Variants in CCDC150 observed in about 807,000 individuals in gnomAD.
The protein encoded by CCDC150 is coiled-coil domain-containing protein 150.
In CCDC150, 151 loss-of-function variants were observed where a neutral mutation model predicts 156.5. The observed-to-expected ratio is 0.97, with a 90% CI of 0.85 to 1.10. CCDC150 has a LOEUF of 1.10. Among genes scored for constraint, CCDC150 ranks in the 50% least tolerant of loss-of-function variants. CCDC150 has a pLI of 0.00. For missense variants in CCDC150, 1,312 were observed against 1,268.1 expected, an observed-to-expected ratio of 1.03 and a Z score of -0.53; for synonymous variants, 452 against 429.4, an observed-to-expected ratio of 1.05 and a Z score of -0.65.
At chr2:196,711,517 A>G (rs1697112250) in intron 15 of CCDC150, among the ~76,000 whole-genome samples, 1 of 152,200 alleles carries the variant, frequency 6.6e-6, no homozygotes, top group Admixed American at 6.5e-5. Context: ...CAAATATGGA[A>G]AAACGTATAA....
At chr2:196,731,476 C>T (rs1021005178) in intron 26 of CCDC150, among the ~76,000 whole-genome samples, 6 of 150,864 alleles carry the variant, frequency 4.0e-5, no homozygotes, top group South Asian at 2.1e-4. Context: ...CTGCAATCTC[C>T]GCCTCCCAGG....
intron 13 of CCDC150, among the ~76,000 whole-genome samples, 198 bp from the exon 14 acceptor site, chr2:196,694,848 T>G (rs917487859): frequency 2.0e-5 from 3 of 152,040 alleles, no homozygotes; most frequent in Non-Finnish European, 4.4e-5. Flanking sequence ...GGTGACAGAG[T>G]GAGACTACGT....
intron 5 of CCDC150, among the ~76,000 whole-genome samples, chr2:196,662,371 GT>G (rs1553551539): frequency 6.6e-6 from 1 of 152,202 alleles, no homozygotes; most frequent in African/African-American, 2.4e-5. Context: ...TTGGAAGACA[GT>G]TTTTCCATGG....
chr2:196,730,992 C>A, intron 26 of CCDC150, 47 bp downstream of exon 26: 1 of 1,446,262 alleles, frequency 6.9e-7, no homozygotes, highest in Non-Finnish European at 9.4e-7. Flanking sequence ...TCCTTCAACA[C>A]AGCAACCCTG....
Position 196,711,466 on chromosome 2 carries a change from C to T in CCDC150, c.1696-679C>T, listed in dbSNP as rs534990254. 5.3e-4 allele frequency among the ~76,000 whole-genome samples: 81 copies of T among 152,024 alleles called. 1 individual carries two copies. The highest frequency in any genetic ancestry group is 1.7e-3 in the Admixed American group (26 of 15,280). On this transcript the variant is annotated intron_variant, in intron 15 of 27. Transcript: ENST00000389175. The stretch of plus-strand genomic sequence containing the variant: ...CCTGATTTAGGGGTAGGTTCGGTAA[C>T]GTTAATTGTTGTGTGTGAATGGTTT...
chr2:196,647,430 A>T (rs939635130), intron 2 of CCDC150, among the ~76,000 whole-genome samples: 1 of 152,126 alleles, frequency 6.6e-6, no homozygotes, highest in African/African-American at 2.4e-5. Flanking sequence ...AACATATTTT[A>T]TCACTTGTTT....
chr2:196,700,068 TAAAAC>T (rs1339138674), intron 14 of CCDC150, among the ~76,000 whole-genome samples: 2 of 152,262 alleles, frequency 1.3e-5, no homozygotes, highest in South Asian at 2.1e-4. Flanking sequence ...AAATTGAACA[TAAAAC>T]AAAAGTCTAA....
intron 13 of CCDC150, among the ~76,000 whole-genome samples, chr2:196,678,880 C>CA (rs1694656973): frequency 6.6e-6 from 1 of 152,202 alleles, no homozygotes; most frequent in Non-Finnish European, 1.5e-5. Context: ...GCCTGGGTGA[C>CA]AGAGTGAGAC....
intron 20 of CCDC150, 38 bp from the exon 21 acceptor site, chr2:196,721,484 C>T (rs1436476499): frequency 1.3e-6 from 2 of 1,531,900 alleles, no homozygotes; most frequent in Admixed American, 2.0e-5. Flanking sequence ...TGCATCTGTC[C>T]ATTACAGTGG....
At position 196,712,724 on chromosome 2, in the gene CCDC150, T is replaced by G. The variant is rs80183667; in HGVS notation, c.1851T>G (p.Asp617Glu). The change falls in exon 17 of 28, where the codon GAT (aspartate) becomes GAG (glutamate). Residue 617 changes from aspartate (D) to glutamate (E), a missense_variant. Transcript: ENST00000389175. ...AGAGGGTACACCTGCAGCAGGCAGA[T>G]GCTCACCTGAAAGAAGTATTGGTAA... Reference protein sequence around the residue: ...SAKRVHLQQADAHLKEVKSIL... With the variant: ...SAKRVHLQQAEAHLKEVKSIL... 4 of 1,610,620 alleles carry G rather than the reference T, an allele frequency of 2.5e-6. No homozygotes were observed. Among genetic ancestry groups the G allele is most frequent in the African/African-American group, 1.3e-5 (1 of 74,898 alleles).
chr2:196,639,729 C>G lies in CCDC150; in HGVS notation c.-38C>G. The G allele has an allele frequency of 6.6e-7, 1 of 1,525,478 alleles. No homozygotes were observed. 94.5% of individuals were successfully genotyped at this position (1,525,478 alleles called of 1,614,324 possible). A position where few individuals can be genotyped will look rare whatever the true frequency, so the allele number is the denominator to read the frequency against. On this transcript the variant is annotated 5_prime_UTR_variant, in exon 1 of 28. Transcript: ENST00000389175. ...AATGCTGTGTTAGTTCCACGGAAACCCGCTCGCCTGCTGCAGTACGGAGCC... is the reference window on the plus strand; with the variant it reads ...AATGCTGTGTTAGTTCCACGGAAACGCGCTCGCCTGCTGCAGTACGGAGCC...
chr2:196,730,091 A>G lies in CCDC150; in HGVS notation c.2955A>G (p.Ile985Met). The change falls in exon 25 of 28, where the codon ATA becomes ATG. Residue 985 changes from isoleucine (I) to methionine (M), a missense_variant. Transcript: ENST00000389175. ...QELHLEAERKIRQELENRCQE... is the reference protein window; with the variant it reads ...QELHLEAERKMRQELENRCQE... The stretch of plus-strand genomic sequence containing the variant: ...TGCACCTAGAAGCAGAGCGGAAAAT[A>G]AGGCAGGAGCTAGAGAATCGGTGCC... The G allele has an allele frequency of 2.5e-6, 4 of 1,610,684 alleles. No homozygotes were observed. The highest frequency in any genetic ancestry group is 3.4e-6 in the Non-Finnish European group (4 of 1,178,788).
intron 25 of CCDC150, 47 bp downstream of exon 25, chr2:196,730,165 A>G (rs754623765): frequency 6.5e-7 from 1 of 1,528,878 alleles, no homozygotes; most frequent in Admixed American, 2.0e-5. Context: ...AGCAAATGAC[A>G]TGTGCCAAAG....
chr2:196,719,730 T>A, intron 19 of CCDC150, 64 bp downstream of exon 19: 1 of 1,190,202 alleles, frequency 8.4e-7, no homozygotes, highest in Non-Finnish European at 1.1e-6. Flanking sequence ...CAGTGTCAAG[T>A]CAATAAATGA....
Position 196,730,892 on chromosome 2 carries a change from T to C in CCDC150, c.3016T>C (p.Cys1006Arg). 2.5e-6 allele frequency: 4 copies of C among 1,601,468 alleles called. No homozygotes were observed. Among genetic ancestry groups the C allele is most frequent in the Non-Finnish European group, 3.4e-6 (4 of 1,173,910 alleles). The change falls in exon 26 of 28, where the codon TGT becomes CGT. Residue 1006 changes from cysteine to arginine, a missense_variant. Coordinates refer to ENST00000389175, the MANE Select transcript of CCDC150 (RefSeq NM_001080539.2). ...LEETVRHLKK[C>R]KEATENTLKE... ...AGAAACTGTCAGACACCTGAAGAAA[T>C]GTAAAGAGGCAACAGAGAATACGCT...
At chr2:196,706,918 T>G (rs1301126962) in intron 15 of CCDC150, among the ~76,000 whole-genome samples, 1 of 152,226 alleles carries the variant, frequency 6.6e-6, no homozygotes, top group Non-Finnish European at 1.5e-5. Flanking sequence ...TTTGCCAGTA[T>G]TTTATTGAGG....
intron 5 of CCDC150, among the ~76,000 whole-genome samples, chr2:196,659,754 C>G (rs1693444704): frequency 6.6e-6 from 1 of 152,184 alleles, no homozygotes. Flanking sequence ...TCTCTCCACT[C>G]CTGCAGTTTC....
At chr2:196,659,478 A>G (rs1352974370) in intron 5 of CCDC150, among the ~76,000 whole-genome samples, 1 of 152,206 alleles carries the variant, frequency 6.6e-6, no homozygotes, top group Non-Finnish European at 1.5e-5. Context: ...TTAATACAAA[A>G]TAGAGAAGTA....
intron 10 of CCDC150, among the ~76,000 whole-genome samples, chr2:196,675,074 T>C (rs1318096455): frequency 1.3e-5 from 2 of 152,118 alleles, no homozygotes; most frequent in Non-Finnish European, 2.9e-5. Flanking sequence ...CCAGAGTCAA[T>C]GTATATAATC....
Sources: gnomAD v4.1 joint callset for allele counts (sites outside exome capture counted in the v4.1 genomes callset) on GRCh38, gnomAD v4.1.1 for gene constraint, MANE v1.5 for transcripts, NCBI Gene and HGNC (gene_info 2026-07-23, HGNC 2026-07-21) for gene names.